Variants in LPCAT1 observed in about 807,000 individuals in gnomAD.
The protein encoded by LPCAT1 is 1-acylglycerol-3-phosphate O-acyltransferase.
In LPCAT1, 23 loss-of-function variants were observed where a neutral mutation model predicts 60.9. The ratio of observed to expected loss-of-function variants is 0.38; its 90% CI spans 0.27 to 0.53. LPCAT1 has a LOEUF of 0.53. LPCAT1 is among the 20% of genes least tolerant of loss of function. The pLI is 0.82. For synonymous variants in LPCAT1, 340 were observed against 301.1 expected (o/e 1.13, Z -1.34); for missense variants, 622 against 723.6 (o/e 0.86, Z 1.61).
intron 13 of LPCAT1, 113 bp from the exon 14 acceptor site, chr5:1,463,948 G>C (rs1734217885): frequency 2.8e-6 from 3 of 1,052,736 alleles, no homozygotes; most frequent in African/African-American, 1.6e-5. Flanking sequence ...CTCCAGGGAG[G>C]GTTAGAATCG....
rs1316330789 is a variant in LPCAT1 at position 1,468,134 on chromosome 5, C to CGG, written c.1279-1245_1279-1244insCC. On this transcript the variant is annotated intron_variant, in intron 12 of 13. Transcript: ENST00000283415. Reference sequence around the variant, plus strand: ...CGGCCTGGCAAGCTGTCCCCGCGTTCACACCCTCTTCCCGGGGCTCTGCCT... The same window carrying CGG: ...CGGCCTGGCAAGCTGTCCCCGCGTTCGGACACCCTCTTCCCGGGGCTCTGCCT... Among the ~76,000 whole-genome samples, 48 of 152,306 alleles carry CGG rather than the reference C, an allele frequency of 3.2e-4. 1 individual carries two copies. Among genetic ancestry groups the CGG allele is most frequent in the Admixed American group, 2.9e-3 (44 of 15,310 alleles).
In LPCAT1 at chr5:1,480,792, G is replaced by A. The variant is rs1579773067; in HGVS notation, c.761+150C>T. 26 of 950,376 alleles carry A rather than the reference G, an allele frequency of 2.7e-5. No individual in the cohort carries two copies. Among genetic ancestry groups the A allele is most frequent in the East Asian group, 1.9e-4 (8 of 41,678 alleles). The allele number at this position is 950,376 out of a possible 1,614,324, so 58.9% of individuals were successfully genotyped here. ...TGTCAGGCCTGGGCCACATCTGTACGTTTAGTTTTCACAATGGGCTGAACC... is the reference window on the plus strand; with the variant it reads ...TGTCAGGCCTGGGCCACATCTGTACATTTAGTTTTCACAATGGGCTGAACC... On this transcript the variant is annotated intron_variant, in intron 7 of 13. Transcript: ENST00000283415. The surrounding 1 kb of genome is among the most constrained non-coding windows in gnomAD (Gnocchi z 6.4).
rs564146703 is a variant in LPCAT1 at position 1,502,946 on chromosome 5, G to A, written c.136-1343C>T. Among the ~76,000 whole-genome samples the A allele has an allele frequency of 1.3e-5, 2 of 152,184 alleles. No individual in the cohort carries two copies. Among genetic ancestry groups the A allele is most frequent in the South Asian group, 2.1e-4 (1 of 4,812 alleles). ...ATTTAATATACAGCTCATTTCGCCCGGTATATCTGAAATACCATTTCGACA... is the reference window on the plus strand; with the variant it reads ...ATTTAATATACAGCTCATTTCGCCCAGTATATCTGAAATACCATTTCGACA... On this transcript the variant is annotated intron_variant, in intron 1 of 13. Transcript: ENST00000283415. The surrounding 1 kb of genome is among the most constrained non-coding windows in gnomAD (Gnocchi z 5.5).
chr5:1,506,330 C>T (rs1184432351), intron 1 of LPCAT1, among the ~76,000 whole-genome samples: 3 of 152,198 alleles, frequency 2.0e-5, no homozygotes, highest in South Asian at 2.1e-4. Flanking sequence ...AGGCTCGGCC[C>T]GCCCACAGGA....
chr5:1,516,701 G>C (rs1407670465), intron 1 of LPCAT1, among the ~76,000 whole-genome samples: 1 of 152,092 alleles, frequency 6.6e-6, no homozygotes, highest in Admixed American at 6.5e-5. Flanking sequence ...CTGGCTCTAA[G>C]AGGGAAGTGT....
At position 1,523,806 on chromosome 5, in the gene LPCAT1, G is replaced by T; in HGVS notation, c.39C>A (p.Ala13=). Reference sequence around the variant, plus strand: ...GAGCGTCGCTGGCCCCTGCGCTGGAGGCAGGGGCGGCCCGGGGTCCGCATC... The same window carrying T: ...GAGCGTCGCTGGCCCCTGCGCTGGATGCAGGGGCGGCCCGGGGTCCGCATC... ...LRGCGPRAAP[A]SSAGASDARL... The change falls in exon 1 of 14, where the codon GCC becomes GCA. Residue 13 remains alanine, a synonymous_variant. Coordinates refer to ENST00000283415, the MANE Select transcript of LPCAT1 (RefSeq NM_024830.5). The surrounding 1 kb of genome is among the most constrained non-coding windows in gnomAD (Gnocchi z 7.1). The T allele has an allele frequency of 9.1e-7, 1 of 1,096,770 alleles. No individual in the cohort carries two copies. Among genetic ancestry groups the T allele is most frequent in the Non-Finnish European group, 1.1e-6 (1 of 901,940 alleles). The allele number at this position is 1,096,770 out of a possible 1,614,324, so 67.9% of individuals were successfully genotyped here. A position where few individuals can be genotyped will look rare whatever the true frequency, so the allele number is the denominator to read the frequency against.
intron 11 of LPCAT1, among the ~76,000 whole-genome samples, chr5:1,473,672 C>T (rs1734781645): frequency 6.6e-6 from 1 of 152,204 alleles, no homozygotes; most frequent in South Asian, 2.1e-4. Flanking sequence ...AGACCCCAGG[C>T]TGGGTGTCAC....
chr5:1,509,357 T>G (rs915041118), intron 1 of LPCAT1, among the ~76,000 whole-genome samples: 3 of 152,252 alleles, frequency 2.0e-5, no homozygotes, highest in African/African-American at 7.2e-5. Flanking sequence ...TATGCGACAG[T>G]GCGCTTGCAA....
chr5:1,479,612 C>T lies in LPCAT1; in HGVS notation c.816+9G>A. On this transcript the variant is annotated intron_variant, in intron 8 of 13. Coordinates refer to ENST00000283415, the MANE Select transcript of LPCAT1 (RefSeq NM_024830.5). ...GAAGAGCGCTGTGTAACTCTGTATC[C>T]ATACGAACCTCGATTTCCACTTGGT... 2 of 1,597,184 alleles carry T rather than the reference C, an allele frequency of 1.3e-6. No individual in the cohort carries two copies. Among genetic ancestry groups the T allele is most frequent in the Non-Finnish European group, 1.7e-6 (2 of 1,164,580 alleles).
At chr5:1,479,539 G>C in intron 8 of LPCAT1, 82 bp downstream of exon 8, 1 of 1,002,810 alleles carries the variant, frequency 1.0e-6, no homozygotes, top group South Asian at 1.3e-5. Flanking sequence ...ATTGTACAAG[G>C]CTTATCTGGG....
Position 1,523,874 on chromosome 5 carries a change from G to C in LPCAT1, c.-30C>G. The C allele has an allele frequency of 3.9e-6, 4 of 1,037,342 alleles. No homozygotes were observed. The highest frequency in any genetic ancestry group is 4.6e-6 in the Non-Finnish European group (4 of 865,260). 64.3% of individuals were successfully genotyped at this position (1,037,342 alleles called of 1,614,324 possible). On this transcript the variant is annotated 5_prime_UTR_variant, in exon 1 of 14. Coordinates refer to ENST00000283415, the MANE Select transcript of LPCAT1 (RefSeq NM_024830.5). This position sits in a 1 kb window ranked among gnomAD's most constrained non-coding sequence, Gnocchi z 7.1. ...GCGCCGTCCCGCGGCGAGCGCAGCC[G>C]AGCTGCCTGGGGCGCCGAGCGGGGC...
Position 1,489,902 on chromosome 5 carries a change from C to A in LPCAT1, c.494-44G>T, listed in dbSNP as rs557659509. The stretch of plus-strand genomic sequence containing the variant: ...GACGGATCACGTGGAATGCACGGCT[C>A]CCGCCAGGCAGGGCTGAGGAACGAG... On this transcript the variant is annotated intron_variant, in intron 3 of 13. Transcript: ENST00000283415. 6 of 1,420,926 alleles carry A rather than the reference C, an allele frequency of 4.2e-6. No individual in the cohort carries two copies. In the East Asian group the frequency reaches 1.4e-4, roughly 32 times the overall value. 88.0% of individuals were successfully genotyped at this position (1,420,926 alleles called of 1,614,324 possible). A position where few individuals can be genotyped will look rare whatever the true frequency, so the allele number is the denominator to read the frequency against.
chr5:1,507,714 C>G (rs919132507), intron 1 of LPCAT1, among the ~76,000 whole-genome samples: 1 of 152,186 alleles, frequency 6.6e-6, no homozygotes, highest in African/African-American at 2.4e-5. Context: ...AGGGCTGGCT[C>G]GAGGCCTACC....
chr5:1,492,736 G>A (rs746585718), intron 3 of LPCAT1, among the ~76,000 whole-genome samples: 12 of 152,238 alleles, frequency 7.9e-5, no homozygotes, highest in Non-Finnish European at 1.6e-4. Context: ...TAGAAAGATA[G>A]GACTACAACG....
At position 1,523,667 on chromosome 5, in the gene LPCAT1, G is replaced by T; in HGVS notation, c.135+43C>A. The T allele has an allele frequency of 9.4e-7, 1 of 1,066,390 alleles. No homozygotes were observed. Among genetic ancestry groups the T allele is most frequent in the Non-Finnish European group, 1.1e-6 (1 of 882,810 alleles). 66.1% of individuals were successfully genotyped at this position (1,066,390 alleles called of 1,614,324 possible). On this transcript the variant is annotated intron_variant, in intron 1 of 13. Transcript: ENST00000283415. The surrounding 1 kb of genome is among the most constrained non-coding windows in gnomAD (Gnocchi z 7.1). ...CGCCTCCCTGGCCCCAGCATCCCTG[G>T]CGTCCGCGCCGGCTCCCGGGGCCGC...
Position 1,495,012 on chromosome 5 carries a change from C to T in LPCAT1, c.279-98G>A, listed in dbSNP as rs1735733651. 1.8e-6 allele frequency: 2 copies of T among 1,141,102 alleles called. No homozygotes were observed. Among genetic ancestry groups the T allele is most frequent in the African/African-American group, 3.1e-5 (2 of 64,662 alleles). The allele number at this position is 1,141,102 out of a possible 1,614,324, so 70.7% of individuals were successfully genotyped here. On this transcript the variant is annotated intron_variant, in intron 2 of 13. Coordinates refer to ENST00000283415, the MANE Select transcript of LPCAT1 (RefSeq NM_024830.5). The surrounding 1 kb of genome is among the most constrained non-coding windows in gnomAD (Gnocchi z 4.7). Reference sequence around the variant, plus strand: ...TCCCACGGGAGAGCCCTCCAGGGCGCAGTCCAGGCCACGGGCTTCCTGTGG... The same window carrying T: ...TCCCACGGGAGAGCCCTCCAGGGCGTAGTCCAGGCCACGGGCTTCCTGTGG...
At position 1,483,284 on chromosome 5, in the gene LPCAT1, G is replaced by A. The variant is rs368453971; in HGVS notation, c.726+144C>T. On this transcript the variant is annotated intron_variant, in intron 6 of 13. Coordinates refer to ENST00000283415, the MANE Select transcript of LPCAT1 (RefSeq NM_024830.5). The surrounding 1 kb of genome is among the most constrained non-coding windows in gnomAD (Gnocchi z 9.2). ...TCCTGCCCTCTCCAGCGCTGAGGCC[G>A]GATGGACTCAGCATGGCCAAGTGTG... 27 of 933,366 alleles carry A rather than the reference G, an allele frequency of 2.9e-5. No homozygotes were observed. Among genetic ancestry groups the A allele is most frequent in the Non-Finnish European group, 4.0e-5 (23 of 574,988 alleles). The allele number at this position is 933,366 out of a possible 1,614,324, so 57.8% of individuals were successfully genotyped here.
In LPCAT1 at chr5:1,465,502, TAAACACGTGTGCACAC is replaced by T. The variant is rs377134348; in HGVS notation, c.1420+1231_1420+1246del. 5.1e-3 allele frequency among the ~76,000 whole-genome samples: 637 copies of T among 125,648 alleles called. 2 individuals are homozygous for T. Among genetic ancestry groups the T allele is most frequent in the African/African-American group, 0.019 (614 of 32,554 alleles). The allele number at this position is 125,648 out of a possible 152,430, so 82.4% of individuals were successfully genotyped here. ...ACAAAACAAGCGCATGCGCACACAG[TAAACACGTGTGCACAC>T]ACACAAAACAAGCACACGCACACAG... On this transcript the variant is annotated intron_variant, in intron 13 of 13. Coordinates refer to ENST00000283415, the MANE Select transcript of LPCAT1 (RefSeq NM_024830.5).
Position 1,483,525 on chromosome 5 carries a change from C to T in LPCAT1, c.668-39G>A. The T allele has an allele frequency of 6.2e-7, 1 of 1,604,422 alleles. No individual in the cohort carries two copies. The highest frequency in any genetic ancestry group is 8.5e-7 in the Non-Finnish European group (1 of 1,172,246). On this transcript the variant is annotated intron_variant, in intron 5 of 13. Transcript: ENST00000283415. This position sits in a 1 kb window ranked among gnomAD's most constrained non-coding sequence, Gnocchi z 9.2. ...AACAGCGGTGTTGCCCATGGCAGCCCACGCAGGACAGCGTCTGCTGCGTTT... is the reference window on the plus strand; with the variant it reads ...AACAGCGGTGTTGCCCATGGCAGCCTACGCAGGACAGCGTCTGCTGCGTTT...
Sources: gnomAD v4.1 joint callset for allele counts (sites outside exome capture counted in the v4.1 genomes callset) on GRCh38, gnomAD v4.1.1 for gene constraint, Gnocchi (gnomAD v3.1) non-coding constraint, MANE v1.5 for transcripts, NCBI Gene and HGNC (gene_info 2026-07-23, HGNC 2026-07-21) for gene names.